Variants in FARS2 observed in about 807,000 individuals in gnomAD.
FARS2 encodes the protein phenylalanine--tRNA ligase, mitochondrial.
In FARS2, 40 loss-of-function variants were observed where a neutral mutation model predicts 46.4. The observed-to-expected ratio is 0.86, with a 90% CI of 0.67 to 1.12. The LOEUF (loss-of-function observed/expected upper bound fraction) is 1.12. Among genes scored for constraint, FARS2 ranks in the 50% most tolerant of loss-of-function variants. FARS2 has a pLI of 0.00. For synonymous variants in FARS2, 234 were observed against 214.9 expected, an observed-to-expected ratio of 1.09 and a Z score of -0.78; for missense variants, 513 against 567.9, an observed-to-expected ratio of 0.90 and a Z score of 0.98.
chr6:5,307,008 A>G (rs538841662), intron 1 of FARS2, among the ~76,000 whole-genome samples: 6 of 152,298 alleles, frequency 3.9e-5, no homozygotes, highest in Non-Finnish European at 8.8e-5. Context: ...CAAACCACTT[A>G]GGACATTTAA....
intron 2 of FARS2, among the ~76,000 whole-genome samples, chr6:5,402,381 TC>T (rs768515656): frequency 2.6e-5 from 4 of 150,970 alleles, no homozygotes; most frequent in Non-Finnish European, 5.9e-5. Context: ...TTTTTAGTGC[TC>T]CTTAGTTTTG....
At chr6:5,280,542 C>G (rs1230189465) in intron 1 of FARS2, among the ~76,000 whole-genome samples, 3 of 152,174 alleles carry the variant, frequency 2.0e-5, no homozygotes, top group African/African-American at 7.2e-5. Context: ...GTAGAATAAA[C>G]TAAAATCATT....
At chr6:5,296,343 G>A (rs529727895) in intron 1 of FARS2, among the ~76,000 whole-genome samples, 40 of 151,870 alleles carry the variant, frequency 2.6e-4, no homozygotes, top group East Asian at 7.8e-4. Flanking sequence ...GGGTTTCACT[G>A]TGTTAGCCAG....
intron 2 of FARS2, among the ~76,000 whole-genome samples, chr6:5,373,128 T>C (rs1759161475): frequency 2.0e-5 from 3 of 152,088 alleles, no homozygotes; most frequent in Non-Finnish European, 4.4e-5. Context: ...ACAGGTAGTA[T>C]AGGGACACAG....
At chr6:5,710,525 A>G (rs930035633) in intron 6 of FARS2, among the ~76,000 whole-genome samples, 1 of 152,062 alleles carries the variant, frequency 6.6e-6, no homozygotes, top group African/African-American at 2.4e-5. Context: ...AGGGACAGCG[A>G]TGGAGGTGAG....
intron 5 of FARS2, among the ~76,000 whole-genome samples, chr6:5,574,426 A>G (rs1480061770): frequency 1.3e-5 from 2 of 152,190 alleles, no homozygotes; most frequent in Non-Finnish European, 2.9e-5. Flanking sequence ...TTTTGAGAAA[A>G]ATAGGTCTAC....
chr6:5,374,020 G>A (rs1028178698), intron 2 of FARS2, among the ~76,000 whole-genome samples: 16 of 151,936 alleles, frequency 1.1e-4, no homozygotes, highest in Non-Finnish European at 1.5e-4. Context: ...GTGATAAATG[G>A]TATTGTATTT....
At chr6:5,272,370 T>G (rs1766020121) in intron 1 of FARS2, 1 of 152,180 alleles carries the variant, frequency 6.6e-6, no homozygotes, top group Non-Finnish European at 1.5e-5. Flanking sequence ...TTTTCTTTTT[T>G]CTTTCCAAAA....
intron 5 of FARS2, among the ~76,000 whole-genome samples, chr6:5,559,732 T>C (rs1225742736): frequency 6.6e-6 from 1 of 151,628 alleles, no homozygotes; most frequent in Non-Finnish European, 1.5e-5. Flanking sequence ...TTGCTTAATC[T>C]TATGTCATCT....
intron 4 of FARS2, among the ~76,000 whole-genome samples, chr6:5,483,778 T>C (rs1766615208): frequency 6.6e-6 from 1 of 151,978 alleles, no homozygotes; most frequent in Non-Finnish European, 1.5e-5. Context: ...GAGATGGAGA[T>C]GAAGAAGAGG....
chr6:5,662,726 G>A (rs1431114765), intron 6 of FARS2, among the ~76,000 whole-genome samples: 2 of 152,190 alleles, frequency 1.3e-5, no homozygotes, highest in African/African-American at 2.4e-5. Context: ...TAGCAAAGTA[G>A]AATTGGTGTG....
intron 3 of FARS2, among the ~76,000 whole-genome samples, chr6:5,426,288 A>G (rs1762845906): frequency 6.6e-6 from 1 of 152,192 alleles, no homozygotes; most frequent in Admixed American, 6.5e-5. Context: ...TAATGAATCC[A>G]TATGATTTGG....
At chr6:5,588,267 T>TG (rs760703471) in intron 5 of FARS2, among the ~76,000 whole-genome samples, 2 of 151,984 alleles carry the variant, frequency 1.3e-5, no homozygotes, top group Non-Finnish European at 2.9e-5. Flanking sequence ...GGTGTGGGCG[T>TG]GGGCAGCAGG....
chr6:5,744,367 G>A (rs1480897486), intron 6 of FARS2, among the ~76,000 whole-genome samples: 1 of 152,178 alleles, frequency 6.6e-6, no homozygotes, highest in Admixed American at 6.5e-5. Context: ...TGTTACCCAC[G>A]ACCAACAGTA....
chr6:5,605,002 TC>T (rs1774747346), intron 5 of FARS2, among the ~76,000 whole-genome samples: 1 of 152,220 alleles, frequency 6.6e-6, no homozygotes, highest in Non-Finnish European at 1.5e-5. Context: ...GAGACCTTTG[TC>T]CTCCTCCCTG....
chr6:5,352,925 C>A (rs1218478113), intron 1 of FARS2, among the ~76,000 whole-genome samples: 1 of 152,146 alleles, frequency 6.6e-6, no homozygotes, highest in African/African-American at 2.4e-5. Flanking sequence ...TGAAAACCTT[C>A]AAAATCCCTT....
intron 6 of FARS2, among the ~76,000 whole-genome samples, chr6:5,749,563 G>A (rs151241569): frequency 1.6e-3 from 245 of 152,316 alleles, no homozygotes; most frequent in African/African-American, 5.5e-3. Context: ...CAGACCAACC[G>A]TGCTGTGCTC....
At chr6:5,669,386 C>T (rs145499226) in intron 6 of FARS2, among the ~76,000 whole-genome samples, 1 of 151,818 alleles carries the variant, frequency 6.6e-6, no homozygotes, top group African/African-American at 2.4e-5. Flanking sequence ...CCCACCCCCC[C>T]GCTGCCTATA....
intron 4 of FARS2, chr6:5,452,817 A>G (rs1225538882): frequency 3.3e-5 from 5 of 152,224 alleles, no homozygotes; most frequent in Admixed American, 2.6e-4. Context: ...TCAAGGGGGG[A>G]AATAGATTCT....
Sources: allele counts gnomAD v4.1 joint callset (sites outside exome capture counted in the v4.1 genomes callset), GRCh38; gene constraint gnomAD v4.1.1; transcripts MANE v1.5; gene names NCBI Gene and HGNC (gene_info 2026-07-23, HGNC 2026-07-21).